TMEM131L: variants seen among roughly 807,000 people sequenced by gnomAD.
TMEM131L encodes the protein transmembrane protein 131-like.
In TMEM131L, 54 loss-of-function variants were observed where a neutral mutation model predicts 192.2. The ratio of observed to expected loss-of-function variants is 0.28; its 90% CI spans 0.23 to 0.35. The LOEUF (loss-of-function observed/expected upper bound fraction) is 0.35. Among genes scored for constraint, TMEM131L ranks in the 10% least tolerant of loss-of-function variants. TMEM131L has a pLI of 1.00. For missense variants in TMEM131L, 1,888 were observed against 1,972.9 expected (o/e 0.96, Z 0.82); for synonymous variants, 701 against 704.9 (o/e 0.99, Z 0.09).
chr4:153,566,966 A>C (rs918966325), intron 7 of TMEM131L, among the ~76,000 whole-genome samples: 1 of 152,204 alleles, frequency 6.6e-6, no homozygotes, highest in Non-Finnish European at 1.5e-5. Flanking sequence ...TGCTGGGCAA[A>C]GGTTGCGGTC....
At chr4:153,516,815 TTTTA>T (rs1436547718) in intron 3 of TMEM131L, among the ~76,000 whole-genome samples, 2 of 152,080 alleles carry the variant, frequency 1.3e-5, no homozygotes, top group African/African-American at 4.8e-5. Context: ...ATCTTTTAAA[TTTTA>T]TTTATTTATT....
intron 3 of TMEM131L, among the ~76,000 whole-genome samples, chr4:153,504,418 T>C (rs909651416): frequency 1.3e-5 from 2 of 150,876 alleles, no homozygotes; most frequent in Non-Finnish European, 3.0e-5. Context: ...TAGCTGGGAT[T>C]ATAGGTGCGC....
intron 3 of TMEM131L, among the ~76,000 whole-genome samples, chr4:153,536,286 T>C (rs1736316318): frequency 6.6e-6 from 1 of 152,216 alleles, no homozygotes; most frequent in Non-Finnish European, 1.5e-5. Context: ...ATTCTTTCTT[T>C]TGCAGACATC....
intron 7 of TMEM131L, among the ~76,000 whole-genome samples, chr4:153,560,825 G>T (rs1427497921): frequency 6.6e-6 from 1 of 152,094 alleles, no homozygotes; most frequent in Non-Finnish European, 1.5e-5. Context: ...TTTCTACTCT[G>T]GCTATTATGA....
Position 153,635,468 on chromosome 4 carries a change from C to G in TMEM131L, c.4454C>G (p.Ala1485Gly), listed in dbSNP as rs1376753728. ...TATGCCAATGGCTTCCCCTGTCCTGCAGATGTTCAGACAGACTTTATTGAT... is the reference window on the plus strand; with the variant it reads ...TATGCCAATGGCTTCCCCTGTCCTGGAGATGTTCAGACAGACTTTATTGAT... ...MNYANGFPCP[A>G]DVQTDFIDHN... The change falls in exon 34 of 35, where the codon GCA (alanine) becomes GGA (glycine). Residue 1485 changes from alanine to glycine, a missense_variant. Physicochemically the swap from Ala to Gly is moderately conservative, Grantham distance 60. Transcript: ENST00000409959. 4 of 1,613,830 alleles carry G rather than the reference C, an allele frequency of 2.5e-6. No individual in the cohort carries two copies. The East Asian group carries it at 8.9e-5, about 36-fold the overall frequency.
At chr4:153,564,016 C>T (rs542277216) in intron 7 of TMEM131L, among the ~76,000 whole-genome samples, 1 of 151,956 alleles carries the variant, frequency 6.6e-6, no homozygotes, top group African/African-American at 2.4e-5. Flanking sequence ...CAGCCAGATG[C>T]GGTGGCTCAC....
rs965954676 is a variant in TMEM131L at position 153,585,385 on chromosome 4, A to G, written c.1158-73A>G. On this transcript the variant is annotated intron_variant, in intron 12 of 34. Coordinates refer to ENST00000409959, the MANE Select transcript of TMEM131L (RefSeq NM_001131007.2). ...GTTTTATGATGCTCCTGTTTTTGCA[A>G]TTAGAGGCTCATAAGAGGGCTGACT... 6.7e-5 allele frequency: 97 copies of G among 1,446,058 alleles called. No individual in the cohort carries two copies. In the African/African-American group the frequency reaches 1.3e-3, roughly 19 times the overall value. The allele number at this position is 1,446,058 out of a possible 1,614,324, so 89.6% of individuals were successfully genotyped here.
intron 3 of TMEM131L, among the ~76,000 whole-genome samples, chr4:153,526,051 G>A (rs868375586): frequency 1.3e-5 from 2 of 151,730 alleles, no homozygotes; most frequent in African/African-American, 2.4e-5. Context: ...TAGAGATGGG[G>A]TTTCACCATG....
intron 3 of TMEM131L, among the ~76,000 whole-genome samples, chr4:153,548,988 A>G (rs1230123175): frequency 2.6e-5 from 4 of 152,160 alleles, no homozygotes; most frequent in Non-Finnish European, 5.9e-5. Context: ...GGTCTCAAAA[A>G]TGGTCTTGCT....
intron 7 of TMEM131L, among the ~76,000 whole-genome samples, chr4:153,564,577 T>A (rs1269385273): frequency 6.6e-6 from 1 of 152,164 alleles, no homozygotes; most frequent in Non-Finnish European, 1.5e-5. Context: ...GTCCTTCTTT[T>A]TTATTGTTTT....
chr4:153,470,091 A>G (rs762346110), intron 2 of TMEM131L, among the ~76,000 whole-genome samples: 1 of 151,712 alleles, frequency 6.6e-6, no homozygotes, highest in Non-Finnish European at 1.5e-5. Flanking sequence ...TAGTAAAACC[A>G]TATATGACAA....
chr4:153,548,599 G>A (rs370872329), intron 3 of TMEM131L, among the ~76,000 whole-genome samples: 28 of 152,288 alleles, frequency 1.8e-4, no homozygotes, highest in Middle Eastern at 3.4e-3. Flanking sequence ...CACTGCGTCC[G>A]GCGGCATCAC....
At chr4:153,623,858 T>C (rs1733627541) in intron 29 of TMEM131L, among the ~76,000 whole-genome samples, 2 of 152,122 alleles carry the variant, frequency 1.3e-5, no homozygotes, top group Non-Finnish European at 2.9e-5. Context: ...CATCTGTGTT[T>C]CAGTTACCCA....
At chr4:153,471,177 T>C (rs1338109277) in intron 2 of TMEM131L, among the ~76,000 whole-genome samples, 1 of 152,072 alleles carries the variant, frequency 6.6e-6, no homozygotes, top group East Asian at 1.9e-4. Flanking sequence ...TAGTAGAGAC[T>C]GGGTTTCACT....
intron 30 of TMEM131L, among the ~76,000 whole-genome samples, chr4:153,627,002 G>C (rs1733889994): frequency 1.3e-5 from 2 of 152,300 alleles, no homozygotes; most frequent in South Asian, 4.1e-4. Context: ...GGGTAAGAAG[G>C]AGGAGAGTTC....
chr4:153,598,799 A>T, intron 21 of TMEM131L, 67 bp downstream of exon 21: 2 of 1,268,480 alleles, frequency 1.6e-6, no homozygotes, highest in East Asian at 2.8e-5. Context: ...AAAGGATTCT[A>T]TAAATTCTAA....
intron 25 of TMEM131L, among the ~76,000 whole-genome samples, chr4:153,611,720 A>G (rs1462286510): frequency 2.6e-5 from 4 of 152,248 alleles, no homozygotes; most frequent in African/African-American, 9.6e-5. Context: ...GGGTGGAATC[A>G]TAAAACATTT....
At chr4:153,624,978 CCT>C (rs1214363808) in intron 29 of TMEM131L, among the ~76,000 whole-genome samples, 1 of 152,182 alleles carries the variant, frequency 6.6e-6, no homozygotes, top group Non-Finnish European at 1.5e-5. Context: ...TTCAGTTTTC[CCT>C]GTCTTGTCTC....
At chr4:153,517,027 G>A (rs756386981) in intron 3 of TMEM131L, among the ~76,000 whole-genome samples, 7 of 151,810 alleles carry the variant, frequency 4.6e-5, no homozygotes, top group African/African-American at 7.3e-5. Flanking sequence ...GGGTTTCACC[G>A]TGTTGGCCAG....
Sources: allele counts gnomAD v4.1 joint callset (sites outside exome capture counted in the v4.1 genomes callset), GRCh38; gene constraint gnomAD v4.1.1; transcripts MANE v1.5; gene names NCBI Gene and HGNC (gene_info 2026-07-23, HGNC 2026-07-21).